NR4A3: variants seen among roughly 807,000 people sequenced by gnomAD.
The protein encoded by NR4A3 is nuclear receptor subfamily 4 group A member 3.
In NR4A3, 13 loss-of-function variants were observed where a neutral mutation model predicts 55.6. The ratio of observed to expected loss-of-function variants is 0.23; its 90% confidence interval spans 0.15 to 0.37. NR4A3 has a LOEUF of 0.37. Ranked by LOEUF, NR4A3 falls within the 10% of genes least tolerant of loss-of-function variation. The probability of loss-of-function intolerance (pLI) is 1.00; values close to 1 mark genes in which losing one functional copy is unlikely to be tolerated. For missense variants in NR4A3, 646 were observed against 822.8 expected (o/e 0.79, Z 2.63); for synonymous variants, 342 against 357.9 (o/e 0.96, Z 0.50).
intron 7 of NR4A3, among the ~76,000 whole-genome samples, chr9:99,849,220 C>T (rs1480754808): frequency 1.3e-5 from 2 of 152,156 alleles, no homozygotes; most frequent in Admixed American, 6.5e-5. Context: ...TAGGCTGGTT[C>T]ATCATTTGAT....
rs1827212182 is a variant in NR4A3, at chr9:99,822,985, A to T, written c.-177+578A>T. On this transcript the variant is annotated intron_variant, in intron 1 of 7. Coordinates refer to ENST00000395097, the MANE Select transcript of NR4A3 (RefSeq NM_006981.4). The surrounding 1 kb of genome is among the most constrained non-coding windows in gnomAD (Gnocchi z 4.9). ...CGGAGGACCTCAGGAAAGAGGGCGTAATTGTAGGAATGTGGCTTATTGTAT... is the reference window on the plus strand; with the variant it reads ...CGGAGGACCTCAGGAAAGAGGGCGTTATTGTAGGAATGTGGCTTATTGTAT... Among the ~76,000 whole-genome samples, 1 of 152,164 alleles carries T rather than the reference A, an allele frequency of 6.6e-6. No homozygotes were observed. The highest frequency in any genetic ancestry group is 1.5e-5 in the Non-Finnish European group (1 of 68,006).
At chr9:99,861,937 T>G (rs1828014922) in intron 7 of NR4A3, among the ~76,000 whole-genome samples, 1 of 150,882 alleles carries the variant, frequency 6.6e-6, no homozygotes, top group Non-Finnish European at 1.5e-5. Flanking sequence ...CAAAAAATAA[T>G]TTAAAAATCA....
chr9:99,865,634 G>T lies in NR4A3; in HGVS notation c.*1767G>T. 5.2e-6 allele frequency: 1 copy of T among 191,228 alleles called. No homozygotes were observed. The highest frequency in any genetic ancestry group is 1.1e-5 in the Non-Finnish European group (1 of 91,112). 11.8% of individuals were successfully genotyped at this position (191,228 alleles called of 1,614,324 possible). ...TTTTTGTTAGCTTTAAATCATTTTT[G>T]CTTTAGTCTTTTTAAAGGAAAATAA... On this transcript the variant is annotated 3_prime_UTR_variant, in exon 8 of 8. Coordinates refer to ENST00000395097, the MANE Select transcript of NR4A3 (RefSeq NM_006981.4). The surrounding 1 kb of genome is among the most constrained non-coding windows in gnomAD (Gnocchi z 4.3).
intron 3 of NR4A3, among the ~76,000 whole-genome samples, chr9:99,830,829 TA>T (rs1260308352): frequency 6.6e-6 from 1 of 152,238 alleles, no homozygotes; most frequent in African/African-American, 2.4e-5. Flanking sequence ...TCTACAAATA[TA>T]ATTATCTCTA....
rs1325464017 is a variant in NR4A3 at position 99,865,628 on chromosome 9, A to C, written c.*1761A>C. 2 of 192,268 alleles carry C rather than the reference A, an allele frequency of 1.0e-5. No homozygotes were observed. Among genetic ancestry groups the C allele is most frequent in the African/African-American group, 4.6e-5 (2 of 43,078 alleles). 11.9% of individuals were successfully genotyped at this position (192,268 alleles called of 1,614,324 possible). A position where few individuals can be genotyped will look rare whatever the true frequency, so the allele number is the denominator to read the frequency against. Reference sequence around the variant, plus strand: ...CAGTAGTTTTTGTTAGCTTTAAATCATTTTTGCTTTAGTCTTTTTAAAGGA... The same window carrying C: ...CAGTAGTTTTTGTTAGCTTTAAATCCTTTTTGCTTTAGTCTTTTTAAAGGA... On this transcript the variant is annotated 3_prime_UTR_variant, in exon 8 of 8. Transcript: ENST00000395097. The surrounding 1 kb of genome is among the most constrained non-coding windows in gnomAD (Gnocchi z 4.3).
chr9:99,831,112 T>C (rs1398565591), intron 3 of NR4A3, among the ~76,000 whole-genome samples: 1 of 152,224 alleles, frequency 6.6e-6, no homozygotes, highest in East Asian at 1.9e-4. Flanking sequence ...AATTCGGTGA[T>C]TGAACCATAA....
chr9:99,848,890 C>T (rs773340127), intron 7 of NR4A3, among the ~76,000 whole-genome samples: 2 of 152,114 alleles, frequency 1.3e-5, no homozygotes, highest in Non-Finnish European at 2.9e-5. Context: ...CAGACTGGGG[C>T]CTGGGGAGGT....
At chr9:99,841,288 C>T (rs1036223719) in intron 5 of NR4A3, among the ~76,000 whole-genome samples, 18 of 151,464 alleles carry the variant, frequency 1.2e-4, no homozygotes, top group African/African-American at 3.2e-4. Context: ...AGGATCGTGC[C>T]GCCATGCTTC....
Position 99,844,701 on chromosome 9 carries a change from A to G in NR4A3, c.1307A>G (p.Gln436Arg), listed in dbSNP as rs1377801938. Reference protein sequence around the residue: ...AAGTDAEHVQQFYNLLTASID... With the variant: ...AAGTDAEHVQRFYNLLTASID... ...GGCACAGATGCTGAGCATGTGCAACAATTCTACAACCTCCTGACAGCCTCC... is the reference window on the plus strand; with the variant it reads ...GGCACAGATGCTGAGCATGTGCAACGATTCTACAACCTCCTGACAGCCTCC... The change falls in exon 6 of 8, where the codon CAA becomes CGA. Residue 436 changes from glutamine (Q) to arginine (R), a missense_variant. Around this residue, in one of 5 missense-constraint regions of NR4A3, gnomAD observed 163 missense variants for 233.0 expected, o/e 0.70. Transcript: ENST00000395097. The G allele has an allele frequency of 6.2e-7, 1 of 1,614,208 alleles. No individual in the cohort carries two copies. The highest frequency in any genetic ancestry group is 1.7e-5 in the Admixed American group (1 of 60,022).
At chr9:99,834,967 C>CAT in intron 5 of NR4A3, 5 of 978,858 alleles carry the variant, frequency 5.1e-6, no homozygotes, top group Non-Finnish European at 6.1e-6. Flanking sequence ...TGGAATCATG[C>CAT]GGGCCTAGAT....
chr9:99,861,192 G>A lies in NR4A3; in HGVS notation c.1634-2428G>A, dbSNP rs572425578. On this transcript the variant is annotated intron_variant, in intron 7 of 7. Coordinates refer to ENST00000395097, the MANE Select transcript of NR4A3 (RefSeq NM_006981.4). ...GCAACTTACAGTCCATGGAGATCCC[G>A]CTGGCAATCTTCATGGTTGTATTTT... Among the ~76,000 whole-genome samples, 9 of 152,278 alleles carry A rather than the reference G, an allele frequency of 5.9e-5. No individual in the cohort carries two copies. In the East Asian group the frequency reaches 9.6e-4, roughly 16 times the overall value.
intron 2 of NR4A3, 152 bp from the exon 3 acceptor site, chr9:99,827,889 T>C: frequency 1.0e-6 from 1 of 990,166 alleles, no homozygotes; most frequent in Non-Finnish European, 1.5e-6. Context: ...AGAAAATAAG[T>C]GTGGGGCTTT....
At chr9:99,847,074 CAT>C (rs1222306188) in intron 6 of NR4A3, among the ~76,000 whole-genome samples, 1 of 152,198 alleles carries the variant, frequency 6.6e-6, no homozygotes, top group African/African-American at 2.4e-5. Context: ...GGAACAGTCT[CAT>C]GTTCATTGCT....
intron 1 of NR4A3, among the ~76,000 whole-genome samples, chr9:99,823,907 C>T (rs1490269835): frequency 6.6e-6 from 1 of 152,116 alleles, no homozygotes; most frequent in Non-Finnish European, 1.5e-5. Flanking sequence ...CCCCGCTCCC[C>T]AGGGTTGGAA....
At chr9:99,853,285 C>T (rs1827883764) in intron 7 of NR4A3, among the ~76,000 whole-genome samples, 1 of 151,800 alleles carries the variant, frequency 6.6e-6, no homozygotes, top group African/African-American at 2.4e-5. Flanking sequence ...TTCATGCATC[C>T]CTGCAACTGA....
At chr9:99,855,171 C>T (rs1184303497) in intron 7 of NR4A3, among the ~76,000 whole-genome samples, 1 of 151,978 alleles carries the variant, frequency 6.6e-6, no homozygotes, top group East Asian at 1.9e-4. Flanking sequence ...GATTTTTGTA[C>T]ATTGATTTTG....
chr9:99,866,026 C>G lies in NR4A3; in HGVS notation c.*2159C>G, dbSNP rs1564042738. On this transcript the variant is annotated 3_prime_UTR_variant, in exon 8 of 8. Transcript: ENST00000395097. ...AAGACCTAATTTACCTTTCCATACT[C>G]TTTTTTTTTCTCAACTTCATCTATA... 4.7e-6 allele frequency: 1 copy of G among 213,400 alleles called. No individual in the cohort carries two copies. The highest frequency in any genetic ancestry group is 2.3e-5 in the African/African-American group (1 of 44,042). 13.2% of individuals were successfully genotyped at this position (213,400 alleles called of 1,614,324 possible). A position where few individuals can be genotyped will look rare whatever the true frequency, so the allele number is the denominator to read the frequency against.
At chr9:99,852,751 GAGA>G (rs1827871245) in intron 7 of NR4A3, among the ~76,000 whole-genome samples, 1 of 152,132 alleles carries the variant, frequency 6.6e-6, no homozygotes, top group Non-Finnish European at 1.5e-5. Context: ...CTCTAAGACT[GAGA>G]AGGAGGAAGG....
At chr9:99,834,700 C>A in intron 5 of NR4A3, 1 of 623,372 alleles carries the variant, frequency 1.6e-6, no homozygotes, top group Non-Finnish European at 2.0e-6. Flanking sequence ...CCTTAGGTTG[C>A]AGTGTTGATA....
Sources: gnomAD v4.1 joint callset for allele counts (sites outside exome capture counted in the v4.1 genomes callset) on GRCh38, gnomAD v4.1.1 for gene constraint, gnomAD v4.1.1 regional missense constraint, Gnocchi (gnomAD v3.1) non-coding constraint, MANE v1.5 for transcripts, NCBI Gene and HGNC (gene_info 2026-07-23, HGNC 2026-07-21) for gene names.